Variants in PRR16 observed in about 807,000 individuals in gnomAD.
The protein encoded by PRR16 is protein Largen.
Under a neutral mutation model 18.2 loss-of-function variants are expected in PRR16, and 6 were observed. The observed-to-expected ratio is 0.33, with a 90% CI of 0.18 to 0.65. The LOEUF (loss-of-function observed/expected upper bound fraction) is 0.65. Among genes scored for constraint, PRR16 ranks in the 30% least tolerant of loss-of-function variants. The pLI is 0.74. For missense variants in PRR16, 412 were observed against 376.6 expected (o/e 1.09, Z -0.78); for synonymous variants, 151 against 147.8 (o/e 1.02, Z -0.16).
chr5:120,704,387 A>C, the PRR16 span, among the ~76,000 whole-genome samples: 1 of 152,110 alleles, frequency 6.6e-6, no homozygotes, highest in Admixed American at 6.6e-5. Context: ...GATGTGTTGC[A>C]AGCCTGAAAG....
chr5:120,703,363 G>A, the PRR16 span, among the ~76,000 whole-genome samples: 1 of 152,200 alleles, frequency 6.6e-6, no homozygotes, highest in African/African-American at 2.4e-5. Context: ...GCGTATACGT[G>A]CAAGTCACAG....
chr5:120,781,506 G>GGTAA, the PRR16 span: 12 of 151,968 alleles, frequency 7.9e-5, no homozygotes, highest in Admixed American at 1.3e-4. Context: ...TGTCTTCAGA[G>GGTAA]GTAAGTGCTC....
At chr5:120,669,762 GAA>G (rs1381520710) in intron 1 of PRR16, among the ~76,000 whole-genome samples, 1 of 151,784 alleles carries the variant, frequency 6.6e-6, no homozygotes, top group Non-Finnish European at 1.5e-5. Context: ...TGTTTTGAAA[GAA>G]AAAAGTGTTT....
At chr5:120,647,393 TAA>T (rs141579522) in intron 1 of PRR16, among the ~76,000 whole-genome samples, 1 of 148,764 alleles carries the variant, frequency 6.7e-6, no homozygotes, top group African/African-American at 2.5e-5. Flanking sequence ...TTAAGAGATT[TAA>T]AAAAAAAAGA....
At chr5:120,643,712 A>G (rs1019724981) in intron 1 of PRR16, among the ~76,000 whole-genome samples, 5 of 152,080 alleles carry the variant, frequency 3.3e-5, no homozygotes, top group African/African-American at 1.2e-4. Flanking sequence ...CCTTAAAGCT[A>G]ATGCTCTTTA....
chr5:120,752,848 G>A, the PRR16 span, among the ~76,000 whole-genome samples: 2 of 151,534 alleles, frequency 1.3e-5, no homozygotes, highest in Non-Finnish European at 2.9e-5. Flanking sequence ...GAAAGTTGAA[G>A]TTTCAATAAT....
At chr5:120,541,617 G>A (rs1451500972) in intron 1 of PRR16, among the ~76,000 whole-genome samples, 3 of 152,046 alleles carry the variant, frequency 2.0e-5, no homozygotes, top group Admixed American at 2.0e-4. Flanking sequence ...AGCAGATTCG[G>A]GCTTTAAAAT....
intron 1 of PRR16, among the ~76,000 whole-genome samples, chr5:120,534,788 G>A (rs6897843): frequency 0.026 from 3,889 of 152,208 alleles, 153 homozygotes; most frequent in African/African-American, 0.089. Context: ...TTAGATGTGA[G>A]CCTCAACTGG....
intron 1 of PRR16, among the ~76,000 whole-genome samples, chr5:120,607,178 G>A (rs1195568182): frequency 6.6e-6 from 1 of 152,066 alleles, no homozygotes; most frequent in Non-Finnish European, 1.5e-5. Context: ...ACAGTAAAAT[G>A]TACCCATAAT....
At chr5:120,747,876 AC>A in the PRR16 span, among the ~76,000 whole-genome samples, 7 of 152,138 alleles carry the variant, frequency 4.6e-5, no homozygotes, top group South Asian at 2.1e-4. Context: ...TGTAAAAAAA[AC>A]AATTATGCGT....
At chr5:120,714,885 G>C in the PRR16 span, among the ~76,000 whole-genome samples, 1 of 152,046 alleles carries the variant, frequency 6.6e-6, no homozygotes, top group African/African-American at 2.4e-5. Context: ...AACTAACACA[G>C]GAACAGAAAA....
chr5:120,687,326 A>G (rs1373541656), downstream of PRR16: 1 of 152,232 alleles, frequency 6.6e-6, no homozygotes, highest in Non-Finnish European at 1.5e-5. Context: ...GTTCCTCAGA[A>G]TTAAAATGAA....
At chr5:120,714,251 T>C in the PRR16 span, among the ~76,000 whole-genome samples, 3 of 152,284 alleles carry the variant, frequency 2.0e-5, no homozygotes, top group Non-Finnish European at 2.9e-5. Context: ...TAGAACATAA[T>C]GTAAAATGTA....
At chr5:120,732,181 G>A in the PRR16 span, among the ~76,000 whole-genome samples, 1 of 152,206 alleles carries the variant, frequency 6.6e-6, no homozygotes, top group Non-Finnish European at 1.5e-5. Flanking sequence ...CCTCCTCAGA[G>A]TAATAGTTTG....
chr5:120,518,391 A>G (rs1441872529), intron 1 of PRR16, among the ~76,000 whole-genome samples: 1 of 152,018 alleles, frequency 6.6e-6, no homozygotes, highest in Non-Finnish European at 1.5e-5. Flanking sequence ...GGTCCTTGAG[A>G]GGGAATTCTT....
At chr5:120,725,515 A>C in the PRR16 span, among the ~76,000 whole-genome samples, 1 of 151,756 alleles carries the variant, frequency 6.6e-6, no homozygotes, top group Non-Finnish European at 1.5e-5. Flanking sequence ...ACACACACAC[A>C]CCCACACTCA....
At chr5:120,606,114 G>A (rs1421877759) in intron 1 of PRR16, among the ~76,000 whole-genome samples, 1 of 152,186 alleles carries the variant, frequency 6.6e-6, no homozygotes, top group Admixed American at 6.5e-5. Flanking sequence ...GGACAGTCAT[G>A]GGCACGTGTG....
At chr5:120,642,001 G>A (rs1755438665) in intron 1 of PRR16, among the ~76,000 whole-genome samples, 1 of 151,990 alleles carries the variant, frequency 6.6e-6, no homozygotes, top group South Asian at 2.1e-4. Context: ...AGAAATTCAG[G>A]TGCCTTCTGT....
At chr5:120,539,508 A>G (rs1265395172) in intron 1 of PRR16, among the ~76,000 whole-genome samples, 1 of 152,196 alleles carries the variant, frequency 6.6e-6, no homozygotes. Context: ...TCTTCAGGAA[A>G]AATTTTGCTA....
Sources: allele counts gnomAD v4.1 joint callset (sites outside exome capture counted in the v4.1 genomes callset), GRCh38; gene constraint gnomAD v4.1.1; transcripts MANE v1.5; gene names NCBI Gene and HGNC (gene_info 2026-07-23, HGNC 2026-07-21).